ASCL5: variants seen among roughly 807,000 people sequenced by gnomAD.
ASCL5 encodes achaete-scute family bHLH transcription factor 5.
For synonymous variants in ASCL5, 124 were observed against 131.5 expected (o/e 0.94, Z 0.39); for missense variants, 262 against 268.9 (o/e 0.97, Z 0.18).
At chr1:201,119,908 G>A (rs1210797442) in intron 1 of ASCL5, among the ~76,000 whole-genome samples, 1 of 152,094 alleles carries the variant, frequency 6.6e-6, no homozygotes, top group Non-Finnish European at 1.5e-5. Context: ...AGGGGCCCTG[G>A]TTCCTCTCTG....
chr1:201,125,889 A>T (rs1204583245), intron 1 of ASCL5, among the ~76,000 whole-genome samples: 1 of 152,112 alleles, frequency 6.6e-6, no homozygotes, highest in East Asian at 1.9e-4. Flanking sequence ...ACCTTCCTTT[A>T]ATGTCTGTGG....
chr1:201,114,870 C>CG lies in ASCL5; in HGVS notation c.502dup (p.Arg168ProfsTer109). ...CTCGCCGTCGCCAGGGCGGTCGGGACGGGGGGTGGCGGGCGGCGCGGGGCA... is the reference window on the plus strand; with the variant it reads ...CTCGCCGTCGCCAGGGCGGTCGGGACGGGGGGGTGGCGGGCGGCGCGGGGCA... On this transcript the variant is annotated frameshift_variant, in exon 2 of 2. Coordinates refer to ENST00000449188, the MANE Select transcript of ASCL5 (RefSeq NM_001270601.2). LOFTEE classifies it low-confidence loss of function (END_TRUNC). The CG allele has an allele frequency of 3.1e-6, 2 of 651,866 alleles. No individual in the cohort carries two copies. The highest frequency in any genetic ancestry group is 8.8e-5 in the East Asian group (1 of 11,344). 40.4% of individuals were successfully genotyped at this position (651,866 alleles called of 1,614,324 possible).
intron 1 of ASCL5, among the ~76,000 whole-genome samples, chr1:201,119,564 C>G (rs1663410207): frequency 6.6e-6 from 1 of 152,084 alleles, no homozygotes; most frequent in Non-Finnish European, 1.5e-5. Context: ...AGAGAAGACC[C>G]CTTAGGAAAA....
At chr1:201,118,829 T>C (rs928479832) in intron 1 of ASCL5, among the ~76,000 whole-genome samples, 3 of 152,224 alleles carry the variant, frequency 2.0e-5, no homozygotes, top group African/African-American at 7.2e-5. Flanking sequence ...CACGCCATCC[T>C]TGAGAGGTAG....
At chr1:201,118,279 A>T (rs1191037991) in intron 1 of ASCL5, among the ~76,000 whole-genome samples, 1 of 152,138 alleles carries the variant, frequency 6.6e-6, no homozygotes, top group Non-Finnish European at 1.5e-5. Context: ...CAGGAGTTTG[A>T]GACCAGCCTG....
chr1:201,117,116 G>A (rs920312667), intron 1 of ASCL5, among the ~76,000 whole-genome samples: 5 of 152,178 alleles, frequency 3.3e-5, no homozygotes, highest in African/African-American at 7.2e-5. Flanking sequence ...GATTCTAAGC[G>A]TCATGGAGAC....
At chr1:201,119,998 C>G (rs977068355) in intron 1 of ASCL5, among the ~76,000 whole-genome samples, 2 of 152,176 alleles carry the variant, frequency 1.3e-5, no homozygotes, top group Non-Finnish European at 2.9e-5. Context: ...GGGAAGCAGC[C>G]GAGCAGATGT....
In ASCL5 at chr1:201,114,509, C is replaced by A; in HGVS notation, c.*243G>T. On this transcript the variant is annotated 3_prime_UTR_variant, in exon 2 of 2. Transcript: ENST00000449188. Reference sequence around the variant, plus strand: ...GCAGGACGCCCGGAGCAGTCCCAGGCCCTGCCCCTCGCTTCACCCACGGAG... The same window carrying A: ...GCAGGACGCCCGGAGCAGTCCCAGGACCTGCCCCTCGCTTCACCCACGGAG... The A allele has an allele frequency of 8.6e-6, 3 of 347,604 alleles. No homozygotes were observed. The highest frequency in any genetic ancestry group is 1.0e-5 in the Non-Finnish European group (2 of 194,872). The allele number at this position is 347,604 out of a possible 1,614,324, so 21.5% of individuals were successfully genotyped here. A position where few individuals can be genotyped will look rare whatever the true frequency, so the allele number is the denominator to read the frequency against.
rs913547781 is a variant in ASCL5 at position 201,114,902 on chromosome 1, G to T, written c.471C>A (p.Thr157=). Residue 157 remains threonine (T), a synonymous_variant, in exon 2 of 2, where the codon ACC becomes ACA. Transcript: ENST00000449188. The part of the protein sequence containing the change: ...TPPASRGLPG[T]GPCPAPPATP... Reference sequence around the variant, plus strand: ...TGGCGGGCGGCGCGGGGCAGGGCCCGGTGCCCGGGAGGCCGCGGGAAGCGG... The same window carrying T: ...TGGCGGGCGGCGCGGGGCAGGGCCCTGTGCCCGGGAGGCCGCGGGAAGCGG... 2 of 1,229,852 alleles carry T rather than the reference G, an allele frequency of 1.6e-6. No homozygotes were observed. The highest frequency in any genetic ancestry group is 2.0e-6 in the Non-Finnish European group (2 of 986,818). The allele number at this position is 1,229,852 out of a possible 1,614,324, so 76.2% of individuals were successfully genotyped here. A position where few individuals can be genotyped will look rare whatever the true frequency, so the allele number is the denominator to read the frequency against.
chr1:201,126,600 A>G (rs1299126228), intron 1 of ASCL5, among the ~76,000 whole-genome samples: 1 of 152,236 alleles, frequency 6.6e-6, no homozygotes, highest in African/African-American at 2.4e-5. Context: ...GCTGTGAGCC[A>G]TATACTATTA....
rs1663333940 is a variant in ASCL5 at position 201,115,768 on chromosome 1, G to C, written c.-396C>G. 1 of 157,292 alleles carries C rather than the reference G, an allele frequency of 6.4e-6. No homozygotes were observed. Among genetic ancestry groups the C allele is most frequent in the African/African-American group, 2.4e-5 (1 of 41,686 alleles). The allele number at this position is 157,292 out of a possible 1,614,324, so 9.7% of individuals were successfully genotyped here. A position where few individuals can be genotyped will look rare whatever the true frequency, so the allele number is the denominator to read the frequency against. ...GTCCTCCACACCCACCCCAGCGCCTGGTCCTTGGTCCTCGCGGCCTTCGGG... is the reference window on the plus strand; with the variant it reads ...GTCCTCCACACCCACCCCAGCGCCTCGTCCTTGGTCCTCGCGGCCTTCGGG... On this transcript the variant is annotated 5_prime_UTR_variant, in exon 2 of 2. Coordinates refer to ENST00000449188, the MANE Select transcript of ASCL5 (RefSeq NM_001270601.2).
In ASCL5 at chr1:201,114,606, G is replaced by T; in HGVS notation, c.*146C>A. The T allele has an allele frequency of 1.5e-6, 1 of 650,740 alleles. No individual in the cohort carries two copies. The highest frequency in any genetic ancestry group is 2.2e-6 in the Non-Finnish European group (1 of 460,548). 40.3% of individuals were successfully genotyped at this position (650,740 alleles called of 1,614,324 possible). ...CGCCCCAAGCTGGTGGAGGAGGGAG[G>T]GTGTCGCAGACACGGGAGCGCCGCG... On this transcript the variant is annotated 3_prime_UTR_variant, in exon 2 of 2. Coordinates refer to ENST00000449188, the MANE Select transcript of ASCL5 (RefSeq NM_001270601.2).
chr1:201,120,756 A>G (rs1271169634), intron 1 of ASCL5, among the ~76,000 whole-genome samples: 2 of 152,216 alleles, frequency 1.3e-5, no homozygotes, highest in Non-Finnish European at 2.9e-5. Context: ...TTGGCTGAAC[A>G]TGTCTCTTTC....
chr1:201,116,613 G>T (rs1257987885), intron 1 of ASCL5, among the ~76,000 whole-genome samples: 9 of 152,182 alleles, frequency 5.9e-5, no homozygotes, highest in Admixed American at 5.9e-4. Flanking sequence ...GGTTTGTCAG[G>T]GTGGGACTGA....
Position 201,114,791 on chromosome 1 carries a change from G to A in ASCL5, c.582C>T (p.Ser194=), listed in dbSNP as rs1336091975. The stretch of plus-strand genomic sequence containing the variant: ...CCTCCGACTCCAAGAAAGGCGACGG[G>A]GAGAAGCAGGAGGACTCGGATGACT... ...VPESSESSCF[S]PSPFLESEES... is the part of the protein sequence containing the mutation. The change falls in exon 2 of 2, where the codon TCC becomes TCT. Residue 194 remains serine, a synonymous_variant. Transcript: ENST00000449188. The A allele has an allele frequency of 1.6e-6, 2 of 1,231,136 alleles. No homozygotes were observed. The highest frequency in any genetic ancestry group is 2.0e-6 in the Non-Finnish European group (2 of 987,648). The allele number at this position is 1,231,136 out of a possible 1,614,324, so 76.3% of individuals were successfully genotyped here.
chr1:201,124,711 G>T (rs1259533247), intron 1 of ASCL5, among the ~76,000 whole-genome samples: 4 of 152,246 alleles, frequency 2.6e-5, no homozygotes, highest in Non-Finnish European at 4.4e-5. Flanking sequence ...TGCCCGTAAT[G>T]AGGGAAGGAG....
chr1:201,123,030 G>A (rs1283913088), intron 1 of ASCL5, among the ~76,000 whole-genome samples: 1 of 152,186 alleles, frequency 6.6e-6, no homozygotes, highest in Non-Finnish European at 1.5e-5. Flanking sequence ...GTGACCTTCA[G>A]AAAAGCTCCC....
chr1:201,125,332 T>C (rs555681020), intron 1 of ASCL5, among the ~76,000 whole-genome samples: 17 of 152,202 alleles, frequency 1.1e-4, no homozygotes, highest in African/African-American at 3.9e-4. Context: ...AACATTCTTT[T>C]CCCCCATATC....
At chr1:201,118,214 T>C (rs1416898923) in intron 1 of ASCL5, among the ~76,000 whole-genome samples, 1 of 152,184 alleles carries the variant, frequency 6.6e-6, no homozygotes, top group African/African-American at 2.4e-5. Flanking sequence ...GCGAGGTGGC[T>C]CATGCCTGTA....
Sources: allele counts gnomAD v4.1 joint callset (sites outside exome capture counted in the v4.1 genomes callset), GRCh38; gene constraint gnomAD v4.1.1; transcripts MANE v1.5; gene names NCBI Gene and HGNC (gene_info 2026-07-23, HGNC 2026-07-21).